Variants in TDG observed in about 807,000 individuals in gnomAD.
The protein encoded by TDG is thymine DNA glycosylase.
A neutral mutation model predicts 46.1 loss-of-function variants in TDG; 23 were observed. That is an observed-to-expected ratio of 0.50 (90% CI 0.36 to 0.71). The LOEUF is 0.71. TDG is among the 30% of genes least tolerant of loss of function. TDG has a pLI of 0.00. For synonymous variants in TDG, 115 were observed against 161.3 expected (o/e 0.71, Z 2.18); for missense variants, 304 against 486.7 (o/e 0.62, Z 3.53).
intron 1 of TDG, chr12:103,967,953 C>G (rs539684510): frequency 6.6e-6 from 1 of 152,200 alleles, no homozygotes; most frequent in South Asian, 2.1e-4. Flanking sequence ...CTCAGCCTCC[C>G]AAGCATCTGG....
chr12:103,983,631 A>G (rs913334810), intron 7 of TDG, among the ~76,000 whole-genome samples: 29 of 152,246 alleles, frequency 1.9e-4, no homozygotes, highest in African/African-American at 6.0e-4. Context: ...CAGTGAAAAT[A>G]TTGAGAGGAA....
chr12:103,980,748 T>G, intron 3 of TDG, 145 bp from the exon 4 acceptor site: 2 of 623,598 alleles, frequency 3.2e-6, no homozygotes, highest in Admixed American at 2.9e-5. Context: ...AGATCAAGAG[T>G]AGTAATTGAT....
chr12:103,979,947 C>T lies in TDG; in HGVS notation c.283C>T (p.Gln95Ter). 1.2e-6 allele frequency: 2 copies of T among 1,612,262 alleles called. No individual in the cohort carries two copies. The highest frequency in any genetic ancestry group is 2.7e-5 in the African/African-American group (2 of 74,942). The change falls in exon 3 of 10, where the codon CAA becomes TAA. Residue 95 changes from glutamine to a stop codon, truncating the protein, a stop_gained. Transcript: ENST00000392872. LOFTEE classifies it high-confidence loss of function. ...SGKSAKSKEK[Q>*]EKITDTFKVK... Reference sequence around the variant, plus strand: ...CAAGTCTGCAAAATCAAAAGAAAAACAAGAAAAAATTACAGACACATTTAA... The same window carrying T: ...CAAGTCTGCAAAATCAAAAGAAAAATAAGAAAAAATTACAGACACATTTAA...
intron 5 of TDG, 39 bp from the exon 6 acceptor site, chr12:103,983,097 C>A: frequency 6.5e-7 from 1 of 1,536,126 alleles, no homozygotes; most frequent in South Asian, 1.2e-5. Flanking sequence ...TAAATATTGT[C>A]ATATTTATAT....
At chr12:103,985,150 TC>T (rs1872067529) in intron 8 of TDG, among the ~76,000 whole-genome samples, 2 of 128,434 alleles carry the variant, frequency 1.6e-5, no homozygotes, top group African/African-American at 5.8e-5. Context: ...TATGTGTGTG[TC>T]TATATATAGA....
intron 8 of TDG, 67 bp downstream of exon 8, chr12:103,984,987 A>C: frequency 1.6e-6 from 2 of 1,274,360 alleles, no homozygotes; most frequent in Non-Finnish European, 2.1e-6. Context: ...ATACTTACAT[A>C]TATATACACA....
intron 2 of TDG, among the ~76,000 whole-genome samples, chr12:103,977,973 G>A (rs1192633184): frequency 6.6e-6 from 1 of 152,140 alleles, no homozygotes; most frequent in East Asian, 1.9e-4. Context: ...AGAATTGCTT[G>A]AATCCTGGAG....
chr12:103,966,764 T>TA (rs1388280538), intron 1 of TDG, among the ~76,000 whole-genome samples: 5 of 152,138 alleles, frequency 3.3e-5, no homozygotes, highest in Non-Finnish European at 5.9e-5. Context: ...TTTTAAAAGA[T>TA]AAAGAGTGAT....
chr12:103,977,768 G>A (rs1365295651), intron 2 of TDG, among the ~76,000 whole-genome samples: 1 of 152,136 alleles, frequency 6.6e-6, no homozygotes, highest in Non-Finnish European at 1.5e-5. Flanking sequence ...ACAACAAGTC[G>A]GAACTTGGAG....
At chr12:103,967,456 C>CTTT (rs35778626) in intron 1 of TDG, among the ~76,000 whole-genome samples, 4 of 121,364 alleles carry the variant, frequency 3.3e-5, no homozygotes, top group Non-Finnish European at 3.3e-5. Flanking sequence ...AATAAATTTA[C>CTTT]TTTTTTTTTT....
chr12:103,982,698 G>A (rs905961408), intron 4 of TDG, 101 bp from the exon 5 acceptor site: 36 of 1,231,358 alleles, frequency 2.9e-5, no homozygotes, highest in Non-Finnish European at 3.7e-5. Flanking sequence ...CTCGGTGGTC[G>A]AGGCTGCACT....
intron 2 of TDG, 118 bp downstream of exon 2, chr12:103,977,178 A>G: frequency 1.4e-6 from 2 of 1,395,304 alleles, no homozygotes; most frequent in Non-Finnish European, 1.9e-6. Context: ...TCCACTTTTT[A>G]AGTACTTAGT....
Position 103,966,063 on chromosome 12 carries a change from A to C in TDG, c.23+3A>C, listed in dbSNP as rs1043885905. Reference sequence around the variant, plus strand: ...ATGGAAGCGGAGAACGCGGGCAGGTAATACCGGGGCCAGCGCCGCCCCTCC... The same window carrying C: ...ATGGAAGCGGAGAACGCGGGCAGGTCATACCGGGGCCAGCGCCGCCCCTCC... On this transcript the variant is annotated splice_donor_region_variant and intron_variant, in intron 1 of 9. Transcript: ENST00000392872. The C allele has an allele frequency of 1.3e-6, 2 of 1,582,512 alleles. No homozygotes were observed. The highest frequency in any genetic ancestry group is 2.7e-5 in the African/African-American group (2 of 73,194).
intron 1 of TDG, among the ~76,000 whole-genome samples, chr12:103,974,697 G>A (rs556648722): frequency 1.1e-4 from 16 of 152,210 alleles, no homozygotes; most frequent in Admixed American, 2.0e-4. Flanking sequence ...TTCGCTGGGC[G>A]CGGTGGCTCA....
rs139535385 is a variant in TDG, at chr12:103,985,686, C to A, written c.1048C>A (p.Pro350Thr). ...ATATGGTGGTGCTTACGGAGAAAATCCATGCAGCAGTGAACCTTGTGGCTT... is the reference window on the plus strand; with the variant it reads ...ATATGGTGGTGCTTACGGAGAAAATACATGCAGCAGTGAACCTTGTGGCTT... ...AAYGGAYGEN[P>T]CSSEPCGFSS... The change falls in exon 9 of 10, where the codon CCA (proline) becomes ACA (threonine). Residue 350 changes from proline (P) to threonine (T), a missense_variant. Pro to Thr is a conservative substitution (Grantham distance 38). Transcript: ENST00000392872. 2.2e-5 allele frequency: 36 copies of A among 1,613,946 alleles called. No homozygotes were observed. In the African/African-American group the frequency reaches 3.3e-4, roughly 15 times the overall value.
In TDG at chr12:103,977,131, G is replaced by T. The variant is rs886556549; in HGVS notation, c.166+71G>T. The T allele has an allele frequency of 3.2e-6, 5 of 1,550,558 alleles. No individual in the cohort carries two copies. In the African/African-American group the frequency reaches 5.6e-5, roughly 17 times the overall value. On this transcript the variant is annotated intron_variant, in intron 2 of 9. Transcript: ENST00000392872. ...AGCTTATTTGAGAAAGGGTTTCATG[G>T]TGAATTTTAGCTCTATTTTAGTGTT...
chr12:103,981,037 A>G (rs979372209), intron 4 of TDG, 75 bp downstream of exon 4: 8 of 1,333,448 alleles, frequency 6.0e-6, no homozygotes, highest in Admixed American at 2.0e-5. Flanking sequence ...AGAAAAACCA[A>G]TTGTGTTTTT....
At chr12:103,984,392 G>A (rs1483146317) in intron 7 of TDG, among the ~76,000 whole-genome samples, 1 of 152,052 alleles carries the variant, frequency 6.6e-6, no homozygotes, top group Non-Finnish European at 1.5e-5. Flanking sequence ...TTAGGAGTTC[G>A]AGACCAGCCT....
intron 1 of TDG, 83 bp downstream of exon 1, chr12:103,966,143 GT>G (rs2136229441): frequency 1.4e-6 from 2 of 1,404,382 alleles, no homozygotes; most frequent in Admixed American, 6.2e-5. Context: ...GCACGCAGGG[GT>G]CTTTTAAATC....
Sources: gnomAD v4.1 joint callset for allele counts (sites outside exome capture counted in the v4.1 genomes callset) on GRCh38, gnomAD v4.1.1 for gene constraint, MANE v1.5 for transcripts, NCBI Gene and HGNC (gene_info 2026-07-23, HGNC 2026-07-21) for gene names.